The following ELP1 variants were observed in gnomAD, a reference collection of about 807,000 sequenced individuals.
The protein encoded by ELP1 is elongator complex protein 1.
Under a neutral mutation model 183.2 loss-of-function variants are expected in ELP1, and 131 were observed. That is an observed-to-expected ratio of 0.72 (90% CI 0.62 to 0.83). ELP1 has a LOEUF of 0.83. ELP1 is among the 40% of genes least tolerant of loss of function. The pLI, the probability that ELP1 is intolerant of heterozygous loss-of-function variation, is 0.00. For missense variants in ELP1, 1,550 were observed against 1,594.9 expected, an observed-to-expected ratio of 0.97 and a Z score of 0.48; for synonymous variants, 555 against 569.0, an observed-to-expected ratio of 0.98 and a Z score of 0.35.
At chr9:108,925,928 T>C (rs16913711) in intron 5 of ELP1, among the ~76,000 whole-genome samples, 4,980 of 152,300 alleles carry the variant, frequency 0.033, 285 homozygotes, top group African/African-American at 0.12. Flanking sequence ...TCAGAGTTGA[T>C]GGAGCAAGAA....
intron 18 of ELP1, among the ~76,000 whole-genome samples, chr9:108,901,050 G>C (rs927993379): frequency 6.6e-6 from 1 of 152,088 alleles, no homozygotes; most frequent in African/African-American, 2.4e-5. Context: ...CCACTAGATG[G>C]AGCGCAGATG....
intron 2 of ELP1, among the ~76,000 whole-genome samples, chr9:108,930,614 C>T (rs140839022): frequency 0.13 from 18,758 of 148,438 alleles, 1,566 homozygotes; most frequent in Middle Eastern, 0.2. Flanking sequence ...GGTGTGAACC[C>T]GGGGAGGCGG....
At chr9:108,931,521 G>A (rs1256905890) in intron 1 of ELP1, among the ~76,000 whole-genome samples, 1 of 152,042 alleles carries the variant, frequency 6.6e-6, no homozygotes, top group Non-Finnish European at 1.5e-5. Flanking sequence ...AAATGAATGG[G>A]GAAACATTTT....
chr9:108,875,015 C>T (rs752124878), intron 35 of ELP1, 45 bp from the exon 36 acceptor site: 1 of 1,347,828 alleles, frequency 7.4e-7, no homozygotes, highest in Non-Finnish European at 1.1e-6. Flanking sequence ...TCTAATACTT[C>T]TCAAGACTGC....
chr9:108,903,954 C>T (rs1182939902), intron 14 of ELP1, among the ~76,000 whole-genome samples: 1 of 152,034 alleles, frequency 6.6e-6, no homozygotes, highest in Non-Finnish European at 1.5e-5. Context: ...TTCCACAAAC[C>T]CAATAAGGTA....
At chr9:108,889,703 G>A in intron 28 of ELP1, 1 of 409,916 alleles carries the variant, frequency 2.4e-6, no homozygotes, top group Non-Finnish European at 4.6e-6. Flanking sequence ...TATTTCTTTG[G>A]TTGAGCACTA....
Position 108,897,041 on chromosome 9 carries a change from G to A in ELP1, c.2502-3C>T. 6 of 1,613,780 alleles carry A rather than the reference G, an allele frequency of 3.7e-6. No individual in the cohort carries two copies. Among genetic ancestry groups the A allele is most frequent in the Non-Finnish European group, 4.2e-6 (5 of 1,179,694 alleles). On this transcript the variant is annotated splice_region_variant and splice_polypyrimidine_tract_variant and intron_variant, in intron 23 of 36. Coordinates refer to ENST00000374647, the MANE Select transcript of ELP1 (RefSeq NM_003640.5). ...ATGTAAGTATGGATAGGCAGTATCT[G>A]AGGTAATAAGTGAAGAACACCAGAA...
intron 7 of ELP1, 58 bp from the exon 8 acceptor site, chr9:108,918,959 T>C (rs1829548013): frequency 5.4e-6 from 7 of 1,301,108 alleles, no homozygotes; most frequent in African/African-American, 1.5e-5. Flanking sequence ...ATAAAAGTTG[T>C]CAATTCAGAA....
intron 3 of ELP1, among the ~76,000 whole-genome samples, chr9:108,928,317 A>G (rs924172542): frequency 2.6e-5 from 4 of 152,204 alleles, no homozygotes; most frequent in Admixed American, 2.6e-4. Flanking sequence ...CTGTCTCACG[A>G]GGGAGATAAA....
chr9:108,912,785 C>T (rs1362591908), intron 10 of ELP1, among the ~76,000 whole-genome samples: 6 of 139,758 alleles, frequency 4.3e-5, no homozygotes, highest in South Asian at 2.3e-4. Flanking sequence ...CACAGAGTCT[C>T]GCTCTGCCGG....
intron 20 of ELP1, among the ~76,000 whole-genome samples, chr9:108,898,988 T>C (rs1012440208): frequency 6.6e-6 from 1 of 152,058 alleles, no homozygotes; most frequent in Non-Finnish European, 1.5e-5. Flanking sequence ...CATCTTCACA[T>C]ACATACAACA....
chr9:108,905,581 AT>A (rs1483364181), intron 14 of ELP1, among the ~76,000 whole-genome samples: 4 of 152,216 alleles, frequency 2.6e-5, no homozygotes, highest in Non-Finnish European at 2.9e-5. Context: ...TGGAAGAAGC[AT>A]TTTGAAGTCA....
chr9:108,926,793 C>T (rs370339708), intron 4 of ELP1, among the ~76,000 whole-genome samples, 190 bp from the exon 5 acceptor site: 11 of 152,136 alleles, frequency 7.2e-5, no homozygotes, highest in African/African-American at 2.7e-4. Flanking sequence ...AGATAAGTCA[C>T]CTGGTGCTTA....
At chr9:108,909,962 T>C (rs1198462379) in intron 12 of ELP1, among the ~76,000 whole-genome samples, 1 of 152,176 alleles carries the variant, frequency 6.6e-6, no homozygotes, top group East Asian at 1.9e-4. Flanking sequence ...TATGTATATA[T>C]ATTCATACAC....
chr9:108,910,685 T>C (rs2132012509), intron 12 of ELP1, among the ~76,000 whole-genome samples: 2 of 152,056 alleles, frequency 1.3e-5, no homozygotes, highest in East Asian at 1.9e-4. Flanking sequence ...CAACTGAAAA[T>C]ATGTGTAAAG....
chr9:108,880,420 C>T (rs1160995078), intron 31 of ELP1, among the ~76,000 whole-genome samples: 1 of 151,628 alleles, frequency 6.6e-6, no homozygotes, highest in Non-Finnish European at 1.5e-5. Context: ...AGACTTGATA[C>T]CTAAAGCAAG....
Position 108,911,000 on chromosome 9 carries a change from T to C in ELP1, c.1360+10A>G, listed in dbSNP as rs1587907182. ...ATTCAGAACATCTTGGCAAAAGTTTTATAACATACCACATTTATAAACAGA... is the reference window on the plus strand; with the variant it reads ...ATTCAGAACATCTTGGCAAAAGTTTCATAACATACCACATTTATAAACAGA... On this transcript the variant is annotated intron_variant, in intron 12 of 36. Coordinates refer to ENST00000374647, the MANE Select transcript of ELP1 (RefSeq NM_003640.5). 1.9e-6 allele frequency: 3 copies of C among 1,613,654 alleles called. No homozygotes were observed. The highest frequency in any genetic ancestry group is 1.1e-5 in the South Asian group (1 of 91,072).
intron 6 of ELP1, among the ~76,000 whole-genome samples, chr9:108,921,357 A>G (rs1587918951): frequency 6.6e-6 from 1 of 152,106 alleles, no homozygotes; most frequent in East Asian, 1.9e-4. Flanking sequence ...GGATCATATT[A>G]TATGTGATCT....
intron 4 of ELP1, among the ~76,000 whole-genome samples, chr9:108,926,901 T>C (rs141089275): frequency 1.2e-4 from 19 of 152,164 alleles, no homozygotes; most frequent in African/African-American, 4.3e-4. Flanking sequence ...CCTCTAAATA[T>C]AAATGTCATC....
Sources: gnomAD v4.1 joint callset for allele counts (sites outside exome capture counted in the v4.1 genomes callset) on GRCh38, gnomAD v4.1.1 for gene constraint, MANE v1.5 for transcripts, NCBI Gene and HGNC (gene_info 2026-07-23, HGNC 2026-07-21) for gene names.